Variants in ASTN2 observed in about 807,000 individuals in gnomAD.
ASTN2 encodes the protein astrotactin 2, also known as astrotactin-2.
Under a neutral mutation model 139.8 loss-of-function variants are expected in ASTN2, and 54 were observed. The ratio of observed to expected loss-of-function variants is 0.39; its 90% CI spans 0.31 to 0.48. ASTN2 has a LOEUF of 0.48. ASTN2 is among the 20% of genes least tolerant of loss of function. ASTN2 has a pLI of 0.95. For missense variants in ASTN2, 1,565 were observed against 1,725.1 expected, an observed-to-expected ratio of 0.91 and a Z score of 1.64; for synonymous variants, 756 against 719.5, an observed-to-expected ratio of 1.05 and a Z score of -0.81.
In ASTN2 at chr9:116,805,734, G is replaced by C; in HGVS notation, c.2294C>G (p.Pro765Arg). Residue 765 changes from proline to arginine, a missense_variant, in exon 13 of 23, where the codon CCT becomes CGT. By Grantham distance (103) the Pro-to-Arg change is moderately radical. This residue lies in a region of ASTN2 where 503 missense variants were observed against 591.7 expected (regional missense o/e 0.85). Transcript: ENST00000313400. ...DVCEGPKCLK[P>R]DSKFNDTLFG... Reference sequence around the variant, plus strand: ...GAGGGTATCATTGAATTTGGAGTCAGGTTTGAGGCACTTGGGGCCCTCGCA... The same window carrying C: ...GAGGGTATCATTGAATTTGGAGTCACGTTTGAGGCACTTGGGGCCCTCGCA... 1.2e-6 allele frequency: 2 copies of C among 1,613,972 alleles called. No homozygotes were observed. Among genetic ancestry groups the C allele is most frequent in the South Asian group, 2.2e-5 (2 of 91,072 alleles).
chr9:117,308,127 T>G (rs1300979102), intron 1 of ASTN2, among the ~76,000 whole-genome samples: 1 of 152,184 alleles, frequency 6.6e-6, no homozygotes, highest in African/African-American at 2.4e-5. Flanking sequence ...GGCGGCCCAG[T>G]GACCTTCCTC....
At chr9:117,045,995 T>TACGTAC (rs1402092655) in intron 5 of ASTN2, among the ~76,000 whole-genome samples, 71 of 122,820 alleles carry the variant, frequency 5.8e-4, no homozygotes, top group African/African-American at 2.3e-3. Context: ...TACGTACGTA[T>TACGTAC]GTATGTATGT....
intron 17 of ASTN2, among the ~76,000 whole-genome samples, chr9:116,620,935 T>C (rs1016572053): frequency 4.6e-5 from 7 of 152,170 alleles, no homozygotes; most frequent in African/African-American, 9.7e-5. Flanking sequence ...GACCATCTCA[T>C]TGCCCAGCTT....
At chr9:117,040,083 G>A in intron 5 of ASTN2, 118 bp from the exon 6 acceptor site, 3 of 1,219,452 alleles carry the variant, frequency 2.5e-6, no homozygotes, top group Admixed American at 2.9e-5. Context: ...GAAAAGAAAA[G>A]AAAAAAGACA....
intron 3 of ASTN2, among the ~76,000 whole-genome samples, chr9:117,209,636 G>A (rs1390971387): frequency 6.6e-6 from 1 of 151,932 alleles, no homozygotes; most frequent in South Asian, 2.1e-4. Context: ...TCTCAGTATT[G>A]GACAGATCAT....
intron 13 of ASTN2, among the ~76,000 whole-genome samples, chr9:116,770,455 C>T (rs929507779): frequency 2.0e-5 from 3 of 152,150 alleles, no homozygotes; most frequent in Non-Finnish European, 4.4e-5. Flanking sequence ...TAGAATAGTG[C>T]TGAAAAACTA....
rs539789645 is a variant in ASTN2 at position 117,315,974 on chromosome 9, A to C, written c.443-24461T>G. ...ATTGACTGCTCGCCATGTGCCAAGC[A>C]CTCTTCTAAGTTATCTGAATGAGCT... On this transcript the variant is annotated intron_variant, in intron 1 of 22. Coordinates refer to ENST00000313400, the MANE Select transcript of ASTN2 (RefSeq NM_001365068.1). Among the ~76,000 whole-genome samples the C allele has an allele frequency of 3.9e-5, 6 of 152,140 alleles. No homozygotes were observed. In the South Asian group the frequency reaches 1.0e-3, roughly 26 times the overall value.
intron 3 of ASTN2, among the ~76,000 whole-genome samples, chr9:117,170,971 G>T (rs1224917373): frequency 6.6e-6 from 1 of 152,046 alleles, no homozygotes; most frequent in Non-Finnish European, 1.5e-5. Flanking sequence ...TGACAGGGCA[G>T]CATGGTTCTA....
At chr9:117,341,079 T>G (rs891846803) in intron 1 of ASTN2, among the ~76,000 whole-genome samples, 23 of 152,208 alleles carry the variant, frequency 1.5e-4, no homozygotes, top group Admixed American at 5.9e-4. Context: ...AGGATTGAAT[T>G]ATCTCTTACA....
intron 2 of ASTN2, among the ~76,000 whole-genome samples, chr9:117,218,338 G>GCCTGC (rs1247518589): frequency 1.3e-5 from 2 of 152,314 alleles, no homozygotes; most frequent in Non-Finnish European, 2.9e-5. Flanking sequence ...TCACTCCCCA[G>GCCTGC]CCTGCCCTGA....
chr9:117,284,629 C>A (rs1195381399), intron 2 of ASTN2, among the ~76,000 whole-genome samples: 1 of 152,212 alleles, frequency 6.6e-6, no homozygotes, highest in Non-Finnish European at 1.5e-5. Context: ...TAATAAATGT[C>A]TGTCTTTTAA....
chr9:117,260,368 C>T (rs1217916518), intron 2 of ASTN2, among the ~76,000 whole-genome samples: 8 of 152,178 alleles, frequency 5.3e-5, no homozygotes, highest in Non-Finnish European at 1.0e-4. Context: ...ATCAAAAGTA[C>T]ATCTCACCGT....
intron 10 of ASTN2, among the ~76,000 whole-genome samples, chr9:116,941,068 T>C (rs938965916): frequency 1.3e-5 from 2 of 152,198 alleles, no homozygotes; most frequent in Admixed American, 6.5e-5. Flanking sequence ...TATTTTTGTG[T>C]AAGTACATTC....
chr9:116,725,961 G>C lies in ASTN2; in HGVS notation c.2627-11C>G, dbSNP rs772370641. 16 of 1,607,148 alleles carry C rather than the reference G, an allele frequency of 1.0e-5. No homozygotes were observed. The highest frequency in any genetic ancestry group is 1.3e-5 in the Non-Finnish European group (15 of 1,177,436). On this transcript the variant is annotated splice_polypyrimidine_tract_variant and intron_variant, in intron 15 of 22. Coordinates refer to ENST00000313400, the MANE Select transcript of ASTN2 (RefSeq NM_001365068.1). ...GAACATTAGTGAAGCCTGGACAAGA[G>C]AGGAGCATGTGGAGGTGGTCAGATG...
rs1179016898 is a variant in ASTN2, at chr9:116,731,190, A to G, written c.2522-2094T>C. 3.6e-4 allele frequency among the ~76,000 whole-genome samples: 27 copies of G among 75,434 alleles called. 1 individual carries two copies. The East Asian group carries it at 0.014, about 38-fold the overall frequency. The allele number at this position is 75,434 out of a possible 152,430, so 49.5% of individuals were successfully genotyped here. ...GGAATTTTTCCTGGTAATAATAATA[A>G]TAATAATAATAATAATAATAATAAT... is the stretch of plus-strand genomic sequence containing the variant. On this transcript the variant is annotated intron_variant, in intron 14 of 22. Coordinates refer to ENST00000313400, the MANE Select transcript of ASTN2 (RefSeq NM_001365068.1).
intron 1 of ASTN2, among the ~76,000 whole-genome samples, chr9:117,386,901 CCCATTTT>C: frequency 6.6e-6 from 1 of 152,296 alleles, no homozygotes; most frequent in Middle Eastern, 3.4e-3. Flanking sequence ...TAAAAGAAAG[CCCATTTT>C]CACTAACTCC....
intron 3 of ASTN2, among the ~76,000 whole-genome samples, chr9:117,147,695 C>T (rs1830232136): frequency 6.6e-6 from 1 of 152,104 alleles, no homozygotes. Flanking sequence ...CCCTAACAAC[C>T]TGGAAAGTTA....
chr9:116,963,660 G>T (rs1041368854), intron 10 of ASTN2, among the ~76,000 whole-genome samples: 1 of 152,108 alleles, frequency 6.6e-6, no homozygotes, highest in African/African-American at 2.4e-5. Flanking sequence ...TTGAAGGTAG[G>T]ATGAAAGAAC....
intron 2 of ASTN2, among the ~76,000 whole-genome samples, chr9:117,284,845 T>C (rs1036700607): frequency 4.6e-5 from 7 of 152,174 alleles, no homozygotes; most frequent in East Asian, 1.9e-4. Flanking sequence ...ATCCCACTAC[T>C]ACCAAGTCAG....
Sources: allele counts gnomAD v4.1 joint callset (sites outside exome capture counted in the v4.1 genomes callset), GRCh38; gene constraint gnomAD v4.1.1; regional missense constraint gnomAD v4.1.1; transcripts MANE v1.5; gene names NCBI Gene and HGNC (gene_info 2026-07-23, HGNC 2026-07-21).